Variants in SLC4A4 observed in about 807,000 individuals in gnomAD.
SLC4A4 encodes the protein electrogenic sodium bicarbonate cotransporter 1.
In SLC4A4, 27 loss-of-function variants were observed where a neutral mutation model predicts 111.5. The observed-to-expected ratio is 0.24, with a 90% CI of 0.18 to 0.33. SLC4A4 has a LOEUF of 0.33. SLC4A4 is among the 10% of genes least tolerant of loss of function. The pLI is 1.00. For missense variants in SLC4A4, 909 were observed against 1,315.5 expected (o/e 0.69, Z 4.78); for synonymous variants, 443 against 463.4 (o/e 0.96, Z 0.57).
At position 71,455,042 on chromosome 4, in the gene SLC4A4, G is replaced by A. The variant is rs1284091282; in HGVS notation, c.1497+1373G>A. The stretch of plus-strand genomic sequence containing the variant: ...CTCACAGTGGGGGGACTGTGATGAC[G>A]TCTAAGAGCTCATGCTCCATCAGAA... On this transcript the variant is annotated intron_variant, in intron 12 of 25. Transcript: ENST00000264485. Among the ~76,000 whole-genome samples the A allele has an allele frequency of 3.3e-5, 5 of 152,284 alleles. No homozygotes were observed. In the South Asian group the frequency reaches 6.2e-4, roughly 19 times the overall value.
intron 20 of SLC4A4, among the ~76,000 whole-genome samples, chr4:71,549,744 A>G (rs1379485594): frequency 6.6e-6 from 1 of 151,822 alleles, no homozygotes; most frequent in Non-Finnish European, 1.5e-5. Flanking sequence ...TAGATACTGT[A>G]TAATTACTAT....
At chr4:71,118,538 G>A (rs1334563588) in intron 2 of SLC4A4, among the ~76,000 whole-genome samples, 3 of 151,998 alleles carry the variant, frequency 2.0e-5, no homozygotes, top group Admixed American at 6.6e-5. Context: ...CTATCTGGGA[G>A]TACTTTCCCT....
chr4:71,410,446 T>A (rs997043914), intron 7 of SLC4A4, among the ~76,000 whole-genome samples: 28 of 152,182 alleles, frequency 1.8e-4, no homozygotes, highest in Admixed American at 1.8e-3. Context: ...CCACTGGATT[T>A]TGGACTTGCA....
rs869195687 is a variant in SLC4A4, at chr4:71,292,842, G to GTTTTTTTTTT, written c.253+37453_253+37462dup. ...GTATGTCTTACTTTTGGTTTTTTTT[G>GTTTTTTTTTT]TTTTTTTTTTTTTTTTTTTGAGACA... On this transcript the variant is annotated intron_variant, in intron 3 of 25. Coordinates refer to ENST00000264485, the MANE Select transcript of SLC4A4 (RefSeq NM_001098484.3). 3.7e-3 allele frequency among the ~76,000 whole-genome samples: 404 copies of GTTTTTTTTTT among 110,002 alleles called. 1 individual carries two copies. The highest frequency in any genetic ancestry group is 5.3e-3 in the Non-Finnish European group (300 of 56,804). The allele number at this position is 110,002 out of a possible 152,430, so 72.2% of individuals were successfully genotyped here. A position where few individuals can be genotyped will look rare whatever the true frequency, so the allele number is the denominator to read the frequency against.
chr4:71,218,273 A>G (rs1350593930), intron 1 of SLC4A4, among the ~76,000 whole-genome samples: 1 of 152,176 alleles, frequency 6.6e-6, no homozygotes, highest in Non-Finnish European at 1.5e-5. Context: ...CAACATGCGT[A>G]TGTAATTTCT....
At chr4:71,344,672 T>C (rs934865532) in intron 4 of SLC4A4, among the ~76,000 whole-genome samples, 2 of 152,174 alleles carry the variant, frequency 1.3e-5, no homozygotes, top group African/African-American at 4.8e-5. Flanking sequence ...CAGAACTCAA[T>C]ATCATCCTTC....
chr4:71,156,588 G>GCGCGCACACACACACACACACA (rs376043069), intron 2 of SLC4A4, among the ~76,000 whole-genome samples: 1 of 138,512 alleles, frequency 7.2e-6, no homozygotes, highest in South Asian at 2.7e-4. Flanking sequence ...GCGCGCGCGC[G>GCGCGCACACACACACACACACA]CACACACACA....
chr4:71,350,120 GC>G (rs781172717), intron 5 of SLC4A4, 48 bp downstream of exon 5: 60 of 1,591,340 alleles, frequency 3.8e-5, no homozygotes, highest in Non-Finnish European at 4.8e-5. Context: ...GCTTTCCCTA[GC>G]CACATGTCTC....
chr4:71,263,084 A>T (rs868390169), intron 3 of SLC4A4, among the ~76,000 whole-genome samples: 1 of 143,212 alleles, frequency 7.0e-6, no homozygotes, highest in African/African-American at 2.6e-5. Flanking sequence ...TCGTTGTTCA[A>T]TTCCCACCTA....
intron 3 of SLC4A4, among the ~76,000 whole-genome samples, chr4:71,320,282 C>A (rs1727014725): frequency 6.6e-6 from 1 of 151,984 alleles, no homozygotes; most frequent in South Asian, 2.1e-4. Context: ...TCTCAGCTTA[C>A]CCTAGCTTTT....
intron 1 of SLC4A4, among the ~76,000 whole-genome samples, chr4:71,220,535 A>G (rs1718678196): frequency 6.6e-6 from 1 of 152,074 alleles, no homozygotes; most frequent in Non-Finnish European, 1.5e-5. Context: ...ATAATTCCTT[A>G]GTACCGTCTA....
At chr4:71,268,650 T>C (rs949594793) in intron 3 of SLC4A4, among the ~76,000 whole-genome samples, 7 of 152,230 alleles carry the variant, frequency 4.6e-5, no homozygotes, top group Non-Finnish European at 8.8e-5. Flanking sequence ...GGAAATGTAT[T>C]TTCTTTAAAA....
intron 16 of SLC4A4, among the ~76,000 whole-genome samples, chr4:71,517,543 C>T (rs922922665): frequency 6.6e-6 from 1 of 151,978 alleles, no homozygotes; most frequent in Non-Finnish European, 1.5e-5. Flanking sequence ...AGCATCCTGT[C>T]TTTTTAGAAA....
intron 14 of SLC4A4, among the ~76,000 whole-genome samples, chr4:71,476,566 T>C (rs1728392378): frequency 6.6e-6 from 1 of 151,764 alleles, no homozygotes; most frequent in Admixed American, 6.6e-5. Flanking sequence ...CCTCTCTTCA[T>C]GGCCACAATA....
chr4:71,476,247 T>C (rs979113134), intron 14 of SLC4A4, among the ~76,000 whole-genome samples: 4 of 151,816 alleles, frequency 2.6e-5, no homozygotes, highest in African/African-American at 9.7e-5. Context: ...GCAAACTGAA[T>C]ACATTCATCA....
chr4:71,373,864 T>A (rs1732103916), intron 6 of SLC4A4, among the ~76,000 whole-genome samples: 1 of 152,004 alleles, frequency 6.6e-6, no homozygotes, highest in East Asian at 1.9e-4. Context: ...TGACTGAATG[T>A]TAGGGGAGGA....
chr4:71,518,920 G>A (rs942620761), intron 16 of SLC4A4, among the ~76,000 whole-genome samples: 11 of 152,130 alleles, frequency 7.2e-5, no homozygotes, highest in Non-Finnish European at 1.0e-4. Flanking sequence ...GGGTTTTACC[G>A]GGACAGACCT....
At chr4:71,176,959 A>G (rs898113295) in intron 2 of SLC4A4, among the ~76,000 whole-genome samples, 5 of 152,260 alleles carry the variant, frequency 3.3e-5, no homozygotes, top group Non-Finnish European at 7.3e-5. Flanking sequence ...AGGGAAGCCC[A>G]TCAGACTAAC....
Position 71,395,838 on chromosome 4 carries a change from C to T in SLC4A4, c.731-1739C>T, listed in dbSNP as rs183977190. On this transcript the variant is annotated intron_variant, in intron 6 of 25. Coordinates refer to ENST00000264485, the MANE Select transcript of SLC4A4 (RefSeq NM_001098484.3). ...ATTTGATGATTAGAAATTTATCTTA[C>T]CTATTTATTTACATAAGCTATTTTC... 1.1e-4 allele frequency among the ~76,000 whole-genome samples: 17 copies of T among 152,268 alleles called. No individual in the cohort carries two copies. In the East Asian group the frequency reaches 3.3e-3, roughly 29 times the overall value.
Sources: gnomAD v4.1 joint callset for allele counts (sites outside exome capture counted in the v4.1 genomes callset) on GRCh38, gnomAD v4.1.1 for gene constraint, MANE v1.5 for transcripts, NCBI Gene and HGNC (gene_info 2026-07-23, HGNC 2026-07-21) for gene names.